NRDE2: variants seen among roughly 807,000 people sequenced by gnomAD.
NRDE2 encodes nuclear exosome regulator NRDE2.
NRDE2 carries 76 observed loss-of-function variants against 124.2 expected under a neutral mutation model. The ratio of observed to expected loss-of-function variants is 0.61; its 90% CI spans 0.51 to 0.74. NRDE2 has a LOEUF of 0.74. Ranked by LOEUF, NRDE2 falls within the 30% of genes least tolerant of loss-of-function variation. NRDE2 has a pLI of 0.00. For missense variants in NRDE2, 1,314 were observed against 1,417.3 expected, an observed-to-expected ratio of 0.93 and a Z score of 1.17; for synonymous variants, 489 against 528.1, an observed-to-expected ratio of 0.93 and a Z score of 1.01.
rs1347217763 is a variant in NRDE2 at position 90,326,970 on chromosome 14, A to G, written c.64+4871T>C. Among the ~76,000 whole-genome samples the G allele has an allele frequency of 3.9e-5, 6 of 152,228 alleles. No individual in the cohort carries two copies. The East Asian group carries it at 1.2e-3, about 29-fold the overall frequency. ...AATTTAAAAATTAAATCAAAGAAGT[A>G]AAAGCTTCATAATCTTACATTTGGA... On this transcript the variant is annotated intron_variant, in intron 1 of 13. Coordinates refer to ENST00000354366, the MANE Select transcript of NRDE2 (RefSeq NM_017970.4).
intron 1 of NRDE2, among the ~76,000 whole-genome samples, chr14:90,322,639 C>T (rs1885283555): frequency 6.6e-6 from 1 of 152,098 alleles, no homozygotes; most frequent in African/African-American, 2.4e-5. Context: ...TTAATGAATA[C>T]CAACTACACA....
chr14:90,284,339 GT>G (rs1488387808), intron 12 of NRDE2, among the ~76,000 whole-genome samples: 1 of 148,130 alleles, frequency 6.8e-6, no homozygotes, highest in Non-Finnish European at 1.5e-5. Context: ...AGGTCACTTT[GT>G]TTTTTTTCTA....
At chr14:90,309,983 T>C (rs1343987533) in intron 4 of NRDE2, among the ~76,000 whole-genome samples, 1 of 152,154 alleles carries the variant, frequency 6.6e-6, no homozygotes, top group Non-Finnish European at 1.5e-5. Flanking sequence ...AGCCACTCTT[T>C]GTTAGTACAC....
chr14:90,271,994 G>T lies in NRDE2; in HGVS notation c.*6342C>A. The T allele has an allele frequency of 3.9e-6, 1 of 258,498 alleles. No individual in the cohort carries two copies. Among genetic ancestry groups the T allele is most frequent in the Non-Finnish European group, 7.6e-6 (1 of 131,116 alleles). The allele number at this position is 258,498 out of a possible 1,614,324, so 16.0% of individuals were successfully genotyped here. A position where few individuals can be genotyped will look rare whatever the true frequency, so the allele number is the denominator to read the frequency against. On this transcript the variant is annotated 3_prime_UTR_variant, in exon 14 of 14. Coordinates refer to ENST00000354366, the MANE Select transcript of NRDE2 (RefSeq NM_017970.4). ...TGTAACCTCTGCCTCCCGGGTTCAA[G>T]CAATTCTCCTGCCTCAGCCTCCCGA...
intron 12 of NRDE2, among the ~76,000 whole-genome samples, chr14:90,283,709 T>G (rs1566682503): frequency 6.7e-6 from 1 of 149,198 alleles, no homozygotes; most frequent in African/African-American, 2.5e-5. Context: ...TTTGCAGGTT[T>G]TTTGTTTTTT....
At position 90,272,220 on chromosome 14, in the gene NRDE2, G is replaced by T; in HGVS notation, c.*6116C>A. 1.1e-5 allele frequency: 17 copies of T among 1,589,914 alleles called. No homozygotes were observed. Among genetic ancestry groups the T allele is most frequent in the Non-Finnish European group, 1.2e-5 (14 of 1,172,106 alleles). Reference sequence around the variant, plus strand: ...CAGAATAGGTTTTTTGGAATTCCTTGTTAGAATAAAAATGAGTATGTCACT... The same window carrying T: ...CAGAATAGGTTTTTTGGAATTCCTTTTTAGAATAAAAATGAGTATGTCACT... On this transcript the variant is annotated 3_prime_UTR_variant, in exon 14 of 14. Transcript: ENST00000354366. The surrounding 1 kb of genome is among the most constrained non-coding windows in gnomAD (Gnocchi z 4.5).
chr14:90,328,139 T>C (rs1323357935), intron 1 of NRDE2, among the ~76,000 whole-genome samples: 1 of 67,972 alleles, frequency 1.5e-5, no homozygotes, highest in African/African-American at 4.1e-5. Flanking sequence ...AGATATTCTG[T>C]CTCAAAAAAA....
At chr14:90,317,833 GAA>G in intron 2 of NRDE2, 170 bp downstream of exon 2, 2 of 487,900 alleles carry the variant, frequency 4.1e-6, no homozygotes, top group Non-Finnish European at 7.2e-6. Context: ...GCAAAGCAAA[GAA>G]AAAAAAAAGA....
At chr14:90,298,491 G>T in intron 7 of NRDE2, 111 bp from the exon 8 acceptor site, 1 of 1,125,946 alleles carries the variant, frequency 8.9e-7, no homozygotes, top group Non-Finnish European at 1.3e-6. Flanking sequence ...TTGAAATCAT[G>T]TTTGCCATCA....
chr14:90,321,549 T>TAA lies in NRDE2; in HGVS notation c.65-3438_65-3437dup, dbSNP rs1012195271. Among the ~76,000 whole-genome samples the TAA allele has an allele frequency of 1.5e-3, 167 of 108,800 alleles. 1 individual carries two copies. Among genetic ancestry groups the TAA allele is most frequent in the African/African-American group, 4.7e-3 (138 of 29,624 alleles). The allele number at this position is 108,800 out of a possible 152,430, so 71.4% of individuals were successfully genotyped here. ...AACATAAGCAAGACCCCAGCTCTAT[T>TAA]AAAAAAAAAAAAAAAAAAAGAAAAG... On this transcript the variant is annotated intron_variant, in intron 1 of 13. Transcript: ENST00000354366.
At chr14:90,298,706 C>T (rs1884274985) in intron 7 of NRDE2, among the ~76,000 whole-genome samples, 1 of 152,098 alleles carries the variant, frequency 6.6e-6, no homozygotes, top group Non-Finnish European at 1.5e-5. Context: ...TACAAAAAGA[C>T]CAGCTGAGGT....
Position 90,307,517 on chromosome 14 carries a change from G to C in NRDE2, c.558-3135C>G, listed in dbSNP as rs539144863. On this transcript the variant is annotated intron_variant, in intron 4 of 13. Transcript: ENST00000354366. ...GAGGTGGGTGGATCAATTAAGGCCA[G>C]GAATTTGACACCAGCCTGGCCAACA... Among the ~76,000 whole-genome samples, 3 of 152,230 alleles carry C rather than the reference G, an allele frequency of 2.0e-5. No homozygotes were observed. The East Asian group carries it at 5.8e-4, about 29-fold the overall frequency.
At position 90,274,787 on chromosome 14, in the gene NRDE2, T is replaced by TACACACACACACACACACAC. The variant is rs144111170; in HGVS notation, c.*3529_*3548dup. The TACACACACACACACACACAC allele has an allele frequency of 1.4e-4, 15 of 110,908 alleles. No homozygotes were observed. The highest frequency in any genetic ancestry group is 4.1e-4 in the African/African-American group (13 of 31,734). The allele number at this position is 110,908 out of a possible 1,614,324, so 6.9% of individuals were successfully genotyped here. A position where few individuals can be genotyped will look rare whatever the true frequency, so the allele number is the denominator to read the frequency against. ...CAGTATAGCCCTTTAAATAGGGAAC[T>TACACACACACACACACACAC]ACACACACACACACACACACACACA... On this transcript the variant is annotated 3_prime_UTR_variant, in exon 14 of 14. Transcript: ENST00000354366.
At chr14:90,279,921 G>C (rs1361820076) in intron 12 of NRDE2, 1 of 152,244 alleles carries the variant, frequency 6.6e-6, no homozygotes, top group African/African-American at 2.4e-5. Context: ...CCCTCCCTCA[G>C]AAGGTTCTAG....
At chr14:90,299,070 A>G (rs1884291085) in intron 7 of NRDE2, among the ~76,000 whole-genome samples, 1 of 86,124 alleles carries the variant, frequency 1.2e-5, no homozygotes, top group South Asian at 4.5e-4. Flanking sequence ...TTTGAGACAG[A>G]GTCTCGCTCT....
At chr14:90,295,398 G>A (rs1040325784) in intron 8 of NRDE2, among the ~76,000 whole-genome samples, 6 of 151,946 alleles carry the variant, frequency 3.9e-5, no homozygotes, top group Admixed American at 3.9e-4. Context: ...CCAATATTCT[G>A]CCTAAATGCT....
chr14:90,302,591 T>A lies in NRDE2; in HGVS notation c.1411+129A>T, dbSNP rs540488184. On this transcript the variant is annotated intron_variant, in intron 6 of 13. Coordinates refer to ENST00000354366, the MANE Select transcript of NRDE2 (RefSeq NM_017970.4). ...ATCAAAAAGAGTCGTAATACTTTTT[T>A]AAAAAAATCAGTTCTATCAAACAAT... 102 of 1,089,272 alleles carry A rather than the reference T, an allele frequency of 9.4e-5. No homozygotes were observed. In the East Asian group the frequency reaches 1.3e-3, roughly 14 times the overall value. 67.5% of individuals were successfully genotyped at this position (1,089,272 alleles called of 1,614,324 possible).
intron 2 of NRDE2, 112 bp from the exon 3 acceptor site, chr14:90,316,923 G>A (rs1885069978): frequency 1.3e-6 from 1 of 749,644 alleles, no homozygotes; most frequent in Admixed American, 2.8e-5. Flanking sequence ...TGTTCACACA[G>A]ATTTACTATT....
chr14:90,289,588 T>C (rs1302551888), intron 10 of NRDE2, among the ~76,000 whole-genome samples: 1 of 152,164 alleles, frequency 6.6e-6, no homozygotes, highest in Non-Finnish European at 1.5e-5. Context: ...ATCAGTAGCT[T>C]ATCTATTATT....
Sources: gnomAD v4.1 joint callset for allele counts (sites outside exome capture counted in the v4.1 genomes callset) on GRCh38, gnomAD v4.1.1 for gene constraint, Gnocchi (gnomAD v3.1) non-coding constraint, MANE v1.5 for transcripts, NCBI Gene and HGNC (gene_info 2026-07-23, HGNC 2026-07-21) for gene names.